RGS17: variants seen among roughly 807,000 people sequenced by gnomAD.
RGS17 encodes the protein regulator of G-protein signaling 17.
RGS17 carries 12 observed loss-of-function variants against 25.5 expected under a neutral mutation model. That is an observed-to-expected ratio of 0.47 (90% CI 0.30 to 0.76). RGS17 has a LOEUF of 0.76. Among genes scored for constraint, RGS17 ranks in the 30% least tolerant of loss-of-function variants. The pLI is 0.07. For synonymous variants in RGS17, 71 were observed against 76.9 expected (o/e 0.92, Z 0.40); for missense variants, 196 against 242.2 (o/e 0.81, Z 1.27).
intron 1 of RGS17, among the ~76,000 whole-genome samples, chr6:153,081,716 A>C (rs995506742): frequency 6.6e-6 from 1 of 151,754 alleles, no homozygotes; most frequent in Non-Finnish European, 1.5e-5. Flanking sequence ...TGGTATTTTT[A>C]CATGTTATTA....
intron 4 of RGS17, among the ~76,000 whole-genome samples, chr6:153,013,079 G>A (rs909982126): frequency 2.0e-5 from 3 of 152,056 alleles, no homozygotes; most frequent in African/African-American, 2.4e-5. Flanking sequence ...TTAGTTTTTC[G>A]CAGATACTGC....
At chr6:153,097,570 G>A (rs1164262119) in intron 1 of RGS17, among the ~76,000 whole-genome samples, 2 of 152,018 alleles carry the variant, frequency 1.3e-5, no homozygotes, top group Non-Finnish European at 2.9e-5. Flanking sequence ...GGAGCAGGGC[G>A]TGCAGTGGAG....
intron 1 of RGS17, among the ~76,000 whole-genome samples, chr6:153,118,798 C>A (rs557779625): frequency 6.6e-6 from 1 of 152,260 alleles, no homozygotes; most frequent in Non-Finnish European, 1.5e-5. Flanking sequence ...TCATCCTGGT[C>A]TTGATCTTAC....
intron 1 of RGS17, among the ~76,000 whole-genome samples, chr6:153,090,474 C>T (rs1777112052): frequency 6.7e-6 from 1 of 148,214 alleles, no homozygotes; most frequent in Non-Finnish European, 1.5e-5. Flanking sequence ...AAAAAAGTAG[C>T]CAGCCGTGGT....
intron 1 of RGS17, among the ~76,000 whole-genome samples, chr6:153,107,770 CAAAT>C (rs1777406617): frequency 6.6e-6 from 1 of 152,174 alleles, no homozygotes; most frequent in African/African-American, 2.4e-5. Context: ...CATTTCAAAA[CAAAT>C]AAAACACCAA....
chr6:153,104,992 C>G (rs1296014366), intron 1 of RGS17, among the ~76,000 whole-genome samples: 3 of 152,094 alleles, frequency 2.0e-5, no homozygotes, highest in Non-Finnish European at 4.4e-5. Flanking sequence ...ATTGCATGAA[C>G]AGCTGAGAGG....
At chr6:153,023,206 A>T (rs1232027640) in intron 4 of RGS17, among the ~76,000 whole-genome samples, 2 of 152,200 alleles carry the variant, frequency 1.3e-5, no homozygotes, top group African/African-American at 4.8e-5. Flanking sequence ...CAAAGCAAGG[A>T]GTGTAAGGCA....
intron 1 of RGS17, among the ~76,000 whole-genome samples, chr6:153,114,771 CA>C (rs560213195): frequency 8.9e-4 from 135 of 152,274 alleles, no homozygotes; most frequent in Non-Finnish European, 1.8e-3. Context: ...AAGGCTAGTT[CA>C]ACATATGGAA....
chr6:153,092,578 A>G (rs560724223), intron 1 of RGS17, among the ~76,000 whole-genome samples: 45 of 152,172 alleles, frequency 3.0e-4, no homozygotes, highest in Non-Finnish European at 5.9e-5. Flanking sequence ...GTACAATTAT[A>G]TATGGCTTGG....
intron 1 of RGS17, among the ~76,000 whole-genome samples, chr6:153,122,063 C>T (rs564520327): frequency 1.3e-5 from 2 of 152,194 alleles, no homozygotes; most frequent in Non-Finnish European, 2.9e-5. Context: ...TGATATTATA[C>T]TTTAAGATAT....
chr6:153,111,572 G>A (rs1030876550), intron 1 of RGS17, among the ~76,000 whole-genome samples: 2 of 152,220 alleles, frequency 1.3e-5, no homozygotes, highest in African/African-American at 4.8e-5. Context: ...AGATCTTCCA[G>A]CACAGCACTT....
chr6:153,022,388 G>C (rs1223415682), intron 4 of RGS17, among the ~76,000 whole-genome samples: 1 of 152,048 alleles, frequency 6.6e-6, no homozygotes, highest in South Asian at 2.1e-4. Flanking sequence ...TGGATAATAA[G>C]AAAATGTTTT....
chr6:153,054,180 CAGAA>C (rs1776521022), intron 1 of RGS17, among the ~76,000 whole-genome samples: 1 of 138,864 alleles, frequency 7.2e-6, no homozygotes, highest in Non-Finnish European at 1.5e-5. Context: ...TGAAAATTTG[CAGAA>C]AGACTCAAAA....
chr6:153,119,532 A>T lies in RGS17; in HGVS notation c.-26+11592T>A, dbSNP rs369057987. ...TGGTGAAACCCTGTCTCTACTAAAA[A>T]TACAAAAAAAATTAGCTGGCTGTGG... is the stretch of plus-strand genomic sequence containing the variant. On this transcript the variant is annotated intron_variant, in intron 1 of 4. Coordinates refer to ENST00000206262, the MANE Select transcript of RGS17 (RefSeq NM_012419.5). 2.0e-4 allele frequency among the ~76,000 whole-genome samples: 31 copies of T among 152,250 alleles called. 4 individuals are homozygous for T. The highest frequency in any genetic ancestry group is 1.2e-3 in the Admixed American group (19 of 15,290).
intron 1 of RGS17, among the ~76,000 whole-genome samples, chr6:153,063,412 A>T (rs1474597384): frequency 6.6e-6 from 1 of 152,176 alleles, no homozygotes; most frequent in African/African-American, 2.4e-5. Flanking sequence ...TCAAGCAGAC[A>T]TTCTGGAGCT....
intron 1 of RGS17, among the ~76,000 whole-genome samples, chr6:153,064,333 A>T (rs1369890313): frequency 6.6e-6 from 1 of 152,202 alleles, no homozygotes; most frequent in Non-Finnish European, 1.5e-5. Context: ...ACAAAAAGTT[A>T]AAAAGTGGGG....
intron 4 of RGS17, among the ~76,000 whole-genome samples, chr6:153,014,220 C>T (rs1779160511): frequency 6.6e-6 from 1 of 152,176 alleles, no homozygotes; most frequent in Admixed American, 6.5e-5. Context: ...GCTAAATCTA[C>T]TCTGCCTGTG....
intron 1 of RGS17, among the ~76,000 whole-genome samples, chr6:153,094,385 G>A (rs1394727899): frequency 6.6e-6 from 1 of 152,036 alleles, no homozygotes; most frequent in African/African-American, 2.4e-5. Flanking sequence ...GTGGCCTACT[G>A]AACTCTTTAA....
At chr6:153,017,965 T>C (rs1268032766) in intron 4 of RGS17, among the ~76,000 whole-genome samples, 1 of 152,212 alleles carries the variant, frequency 6.6e-6, no homozygotes, top group African/African-American at 2.4e-5. Flanking sequence ...GATCCTCCTA[T>C]CAATTTTCAT....
Sources: gnomAD v4.1 joint callset for allele counts (sites outside exome capture counted in the v4.1 genomes callset) on GRCh38, gnomAD v4.1.1 for gene constraint, MANE v1.5 for transcripts, NCBI Gene and HGNC (gene_info 2026-07-23, HGNC 2026-07-21) for gene names.